GBE1: variants seen among roughly 807,000 people sequenced by gnomAD.
GBE1 encodes 1,4-alpha-glucan-branching enzyme.
Under a neutral mutation model 88.8 loss-of-function variants are expected in GBE1, and 70 were observed. That is an observed-to-expected ratio of 0.79 (90% CI 0.65 to 0.96). The LOEUF is 0.96. GBE1 is among the 40% of genes least tolerant of loss of function. The pLI, the probability that GBE1 is intolerant of heterozygous loss-of-function variation, is 0.00. For missense variants in GBE1, 872 were observed against 871.0 expected, an observed-to-expected ratio of 1.00 and a Z score of -0.01; for synonymous variants, 284 against 300.1, an observed-to-expected ratio of 0.95 and a Z score of 0.56.
rs554679003 is a variant in GBE1 at position 81,500,309 on chromosome 3, A to G, written c.1935-1082T>C. Among the ~76,000 whole-genome samples, 3 of 152,304 alleles carry G rather than the reference A, an allele frequency of 2.0e-5. No homozygotes were observed. The East Asian group carries it at 5.8e-4, about 29-fold the overall frequency. ...GACTACCAGGCACAGGGACATTTAAAGTCACTCAATATAGCTGAAAATGAT... is the reference window on the plus strand; with the variant it reads ...GACTACCAGGCACAGGGACATTTAAGGTCACTCAATATAGCTGAAAATGAT... On this transcript the variant is annotated intron_variant, in intron 14 of 15. Coordinates refer to ENST00000429644, the MANE Select transcript of GBE1 (RefSeq NM_000158.4).
At chr3:81,504,428 A>G (rs1469565612) in intron 14 of GBE1, among the ~76,000 whole-genome samples, 1 of 152,228 alleles carries the variant, frequency 6.6e-6, no homozygotes, top group Non-Finnish European at 1.5e-5. Context: ...ATTAGTAAAT[A>G]CAAAACACTG....
At chr3:81,626,847 T>C (rs1343579989) in intron 7 of GBE1, among the ~76,000 whole-genome samples, 1 of 152,146 alleles carries the variant, frequency 6.6e-6, no homozygotes, top group Non-Finnish European at 1.5e-5. Context: ...ATTCAAAATG[T>C]ATATTAGCTA....
chr3:81,504,737 G>A (rs1702632543), intron 14 of GBE1, among the ~76,000 whole-genome samples: 1 of 152,154 alleles, frequency 6.6e-6, no homozygotes, highest in African/African-American at 2.4e-5. Flanking sequence ...AAAGAACAGT[G>A]AAGGCATGAA....
intron 7 of GBE1, among the ~76,000 whole-genome samples, chr3:81,631,140 G>GCTGT (rs1487020271): frequency 6.6e-6 from 1 of 152,020 alleles, no homozygotes; most frequent in Admixed American, 6.6e-5. Flanking sequence ...GGAGGTCAAG[G>GCTGT]CTGTCACGAG....
intron 3 of GBE1, among the ~76,000 whole-genome samples, chr3:81,653,041 T>C (rs1347301666): frequency 6.6e-6 from 1 of 152,228 alleles, no homozygotes; most frequent in Non-Finnish European, 1.5e-5. Flanking sequence ...ACAATAAGTC[T>C]GGTAGCTAAT....
At chr3:81,631,842 T>A (rs1412921544) in intron 7 of GBE1, among the ~76,000 whole-genome samples, 1 of 152,146 alleles carries the variant, frequency 6.6e-6, no homozygotes, top group African/African-American at 2.4e-5. Context: ...CTGGGATACA[T>A]GTGCAGAATG....
intron 1 of GBE1, 137 bp from the exon 2 acceptor site, chr3:81,705,750 T>C (rs373098923): frequency 2.1e-5 from 11 of 524,824 alleles, no homozygotes; most frequent in Middle Eastern, 1.0e-3. Context: ...AATAATTTCA[T>C]TTATTAGTAG....
intron 1 of GBE1, among the ~76,000 whole-genome samples, chr3:81,740,766 G>GCACACACAAA (rs1706338020): frequency 6.7e-6 from 1 of 149,192 alleles, no homozygotes; most frequent in East Asian, 2.0e-4. Flanking sequence ...GTTAGAAAGT[G>GCACACACAAA]CACACACACA....
chr3:81,652,968 C>T (rs1386287967), intron 3 of GBE1, among the ~76,000 whole-genome samples: 1 of 152,098 alleles, frequency 6.6e-6, no homozygotes, highest in Non-Finnish European at 1.5e-5. Context: ...TAACTCACAA[C>T]CTCAAAATGT....
intron 1 of GBE1, among the ~76,000 whole-genome samples, chr3:81,742,884 C>G (rs1456705098): frequency 2.0e-5 from 3 of 152,024 alleles, no homozygotes; most frequent in African/African-American, 7.2e-5. Flanking sequence ...TTTTGCCCAC[C>G]ACAGGCCACT....
intron 14 of GBE1, among the ~76,000 whole-genome samples, chr3:81,517,210 G>C (rs1702808931): frequency 6.6e-6 from 1 of 151,444 alleles, no homozygotes; most frequent in Admixed American, 6.6e-5. Context: ...ACCCCACCCT[G>C]ATCAGTCAGG....
intron 12 of GBE1, among the ~76,000 whole-genome samples, chr3:81,562,749 CA>C (rs1231204276): frequency 1.3e-5 from 2 of 151,900 alleles, no homozygotes; most frequent in East Asian, 3.9e-4. Context: ...AATATATCGC[CA>C]AAGAGAAACC....
At chr3:81,745,152 T>C (rs1706403979) in intron 1 of GBE1, among the ~76,000 whole-genome samples, 1 of 152,160 alleles carries the variant, frequency 6.6e-6, no homozygotes, top group Non-Finnish European at 1.5e-5. Context: ...ATAAACTTCT[T>C]ACAAATCTGC....
chr3:81,560,009 C>T (rs1703396357), intron 12 of GBE1, among the ~76,000 whole-genome samples: 1 of 151,884 alleles, frequency 6.6e-6, no homozygotes, highest in Non-Finnish European at 1.5e-5. Context: ...GAGACAGATC[C>T]TTATATGTTC....
chr3:81,620,818 G>A (rs376556730), intron 7 of GBE1, among the ~76,000 whole-genome samples: 2 of 152,154 alleles, frequency 1.3e-5, no homozygotes, highest in Admixed American at 6.6e-5. Flanking sequence ...GATGAGGACA[G>A]GAGATCTTCT....
At chr3:81,613,099 G>A (rs757412353) in intron 7 of GBE1, 44 of 562,740 alleles carry the variant, frequency 7.8e-5, no homozygotes, top group African/African-American at 5.1e-4. Context: ...GATGGATTCC[G>A]ACCTTCCTTT....
At chr3:81,606,481 G>C (rs957650343) in intron 7 of GBE1, among the ~76,000 whole-genome samples, 8 of 152,204 alleles carry the variant, frequency 5.3e-5, no homozygotes, top group African/African-American at 1.9e-4. Flanking sequence ...AACACAGTCT[G>C]ATTTCACTTG....
At chr3:81,717,954 AT>A (rs1018929048) in intron 1 of GBE1, among the ~76,000 whole-genome samples, 13 of 130,380 alleles carry the variant, frequency 1.0e-4, no homozygotes, top group East Asian at 2.6e-4. Flanking sequence ...AGGAAATTTT[AT>A]TTTATTTATT....
intron 2 of GBE1, among the ~76,000 whole-genome samples, chr3:81,689,924 T>G (rs1692050944): frequency 6.6e-6 from 1 of 152,188 alleles, no homozygotes; most frequent in African/African-American, 2.4e-5. Context: ...GGATCCCTAT[T>G]TCCCATTTTT....
Sources: gnomAD v4.1 joint callset for allele counts (sites outside exome capture counted in the v4.1 genomes callset) on GRCh38, gnomAD v4.1.1 for gene constraint, MANE v1.5 for transcripts, NCBI Gene and HGNC (gene_info 2026-07-23, HGNC 2026-07-21) for gene names.